PDZD2: variants seen among roughly 807,000 people sequenced by gnomAD.
PDZD2 encodes the protein PDZ domain-containing protein 2.
PDZD2 carries 90 observed loss-of-function variants against 220.7 expected under a neutral mutation model. The observed-to-expected ratio is 0.41, with a 90% CI of 0.34 to 0.49. PDZD2 has a LOEUF of 0.49. Ranked by LOEUF, PDZD2 falls within the 20% of genes least tolerant of loss-of-function variation. The pLI is 0.28. For synonymous variants in PDZD2, 1,375 were observed against 1,450.5 expected, an observed-to-expected ratio of 0.95 and a Z score of 1.18; for missense variants, 3,174 against 3,608.5, an observed-to-expected ratio of 0.88 and a Z score of 3.08.
At chr5:31,805,438 T>G (rs1362835901) in intron 2 of PDZD2, among the ~76,000 whole-genome samples, 1 of 152,112 alleles carries the variant, frequency 6.6e-6, no homozygotes, top group Non-Finnish European at 1.5e-5. Context: ...GAAATTAGAG[T>G]TCTGGACAGA....
intron 2 of PDZD2, among the ~76,000 whole-genome samples, chr5:31,886,895 C>T (rs1185574061): frequency 6.6e-6 from 1 of 152,146 alleles, no homozygotes; most frequent in Non-Finnish European, 1.5e-5. Context: ...GACGGGGTTT[C>T]ACCACATTGG....
chr5:31,701,338 A>C (rs759859303), intron 1 of PDZD2, among the ~76,000 whole-genome samples: 1 of 152,104 alleles, frequency 6.6e-6, no homozygotes, highest in East Asian at 1.9e-4. Flanking sequence ...CCGGGCTTCC[A>C]TGCGTGTGCC....
intron 10 of PDZD2, among the ~76,000 whole-genome samples, chr5:32,054,312 CTTTTTTTT>C (rs57135705): frequency 0.062 from 4,304 of 69,312 alleles, 239 homozygotes; most frequent in African/African-American, 0.16. Flanking sequence ...AAATGAACAT[CTTTTTTTT>C]TTTTTTTTTT....
intron 1 of PDZD2, among the ~76,000 whole-genome samples, chr5:31,752,062 G>C (rs377407521): frequency 5.3e-5 from 2 of 37,824 alleles, no homozygotes; most frequent in Non-Finnish European, 1.2e-4. Flanking sequence ...TTGTTTTATT[G>C]TTTTGGGTTT....
Position 31,956,526 on chromosome 5 carries a change from G to A in PDZD2, c.477-26629G>A, listed in dbSNP as rs1209287033. 2.4e-4 allele frequency among the ~76,000 whole-genome samples: 32 copies of A among 132,750 alleles called. 1 individual carries two copies. Among genetic ancestry groups the A allele is most frequent in the Admixed American group, 9.2e-4 (12 of 13,022 alleles). 87.1% of individuals were successfully genotyped at this position (132,750 alleles called of 152,430 possible). ...CTCACCACTGCACTCCAGCCTGGGC[G>A]ACAGAGTGAGACTCTGTCTCAAAAA... On this transcript the variant is annotated intron_variant, in intron 2 of 24. Transcript: ENST00000438447.
Position 31,674,749 on chromosome 5 carries a change from A to G in PDZD2, c.-361+35312A>G, listed in dbSNP as rs892342466. On this transcript the variant is annotated intron_variant, in intron 1 of 24. Coordinates refer to ENST00000438447, the MANE Select transcript of PDZD2 (RefSeq NM_178140.4). ...GGGACAAATGAAACACTTGGGAGTC[A>G]TAAAACATGAATGGCTGCTCTTTGT... 5.3e-5 allele frequency among the ~76,000 whole-genome samples: 8 copies of G among 152,262 alleles called. No homozygotes were observed. In the South Asian group the frequency reaches 1.2e-3, roughly 24 times the overall value.
chr5:32,043,418 G>A (rs1737607347), intron 7 of PDZD2, among the ~76,000 whole-genome samples: 2 of 152,236 alleles, frequency 1.3e-5, no homozygotes, highest in African/African-American at 2.4e-5. Flanking sequence ...ACCTGGGTCA[G>A]GTGACTTTCT....
chr5:32,087,871 G>T lies in PDZD2; in HGVS notation c.4423G>T (p.Val1475Phe). 6.2e-7 allele frequency: 1 copy of T among 1,612,422 alleles called. No homozygotes were observed. Residue 1475 changes from valine to phenylalanine, a missense_variant, in exon 20 of 25, where the codon GTC (valine) becomes TTC (phenylalanine). Physicochemically the swap from Val to Phe is conservative, Grantham distance 50. Around this residue, in one of 4 missense-constraint regions of PDZD2, gnomAD observed 1,861 missense variants for 2,001.0 expected, o/e 0.93. Coordinates refer to ENST00000438447, the MANE Select transcript of PDZD2 (RefSeq NM_178140.4). This position sits in a 1 kb window ranked among gnomAD's most constrained non-coding sequence, Gnocchi z 4.0. ...TGGGAGCTCCTGCCGTGCCGAACCA[G>T]TCCCGGGGGGCCAGACCTCCTCCCC... ...GGGSSCRAEP[V>F]PGGQTSSPRR... is the part of the protein sequence containing the mutation.
At chr5:31,805,400 T>G (rs532742665) in intron 2 of PDZD2, among the ~76,000 whole-genome samples, 39 of 152,284 alleles carry the variant, frequency 2.6e-4, no homozygotes, top group African/African-American at 9.1e-4. Flanking sequence ...CCTACCTATG[T>G]GAGTTTTGTC....
chr5:31,983,023 T>C (rs951419330), intron 2 of PDZD2, 132 bp from the exon 3 acceptor site: 17 of 808,232 alleles, frequency 2.1e-5, no homozygotes, highest in Non-Finnish European at 3.4e-5. Context: ...GTTGAATCTC[T>C]TTAGGAAGCT....
At chr5:31,946,146 G>C (rs867942137) in intron 2 of PDZD2, among the ~76,000 whole-genome samples, 4 of 152,320 alleles carry the variant, frequency 2.6e-5, no homozygotes, top group Middle Eastern at 3.4e-3. Flanking sequence ...AGGACTACAG[G>C]CGTGCGCCAC....
At chr5:31,884,630 C>A (rs147289042) in intron 2 of PDZD2, among the ~76,000 whole-genome samples, 184 of 152,102 alleles carry the variant, frequency 1.2e-3, no homozygotes, top group African/African-American at 4.4e-3. Context: ...GCTCTGTCAC[C>A]CAGGCTGGAG....
chr5:31,995,669 C>G lies in PDZD2; in HGVS notation c.1072C>G (p.Pro358Ala). The change falls in exon 4 of 25, where the codon CCT (proline) becomes GCT (alanine). Residue 358 changes from proline to alanine, a missense_variant. Coordinates refer to ENST00000438447, the MANE Select transcript of PDZD2 (RefSeq NM_178140.4). Reference sequence around the variant, plus strand: ...TGGAGGCCGAGGATCAAAGCGCTCACCTCACGCTATCGTTGTCACTCAAGT... The same window carrying G: ...TGGAGGCCGAGGATCAAAGCGCTCAGCTCACGCTATCGTTGTCACTCAAGT... ...VSGGRGSKRSPHAIVVTQVKE... is the reference protein window; with the variant it reads ...VSGGRGSKRSAHAIVVTQVKE... 6.2e-7 allele frequency: 1 copy of G among 1,614,076 alleles called. No individual in the cohort carries two copies. The highest frequency in any genetic ancestry group is 8.5e-7 in the Non-Finnish European group (1 of 1,180,022).
chr5:32,092,765 AAT>A, intron 20 of PDZD2, 140 bp from the exon 21 acceptor site: 1 of 491,260 alleles, frequency 2.0e-6, no homozygotes, highest in Non-Finnish European at 3.6e-6. Context: ...ATTAGTTTGG[AAT>A]GGAAGTTTTG....
intron 2 of PDZD2, among the ~76,000 whole-genome samples, chr5:31,836,548 A>G (rs1046014480): frequency 6.6e-6 from 1 of 152,014 alleles, no homozygotes; most frequent in Non-Finnish European, 1.5e-5. Flanking sequence ...TTTTTGAGGG[A>G]AAAATCCATG....
chr5:32,051,157 A>G (rs559890594), intron 8 of PDZD2, among the ~76,000 whole-genome samples: 1 of 152,286 alleles, frequency 6.6e-6, no homozygotes, highest in South Asian at 2.1e-4. Flanking sequence ...GTACTGCTGA[A>G]GATGGTGACC....
chr5:32,076,303 A>C (rs1378419290), intron 18 of PDZD2, among the ~76,000 whole-genome samples: 7 of 151,686 alleles, frequency 4.6e-5, no homozygotes, highest in East Asian at 3.9e-4. Flanking sequence ...AAAAAAAAAA[A>C]AAAAAACAAA....
chr5:32,086,843 A>AT (rs10710224), intron 19 of PDZD2, among the ~76,000 whole-genome samples: 20,906 of 85,036 alleles, frequency 0.25, 2,491 homozygotes, highest in South Asian at 0.46. Flanking sequence ...TGCCCAGCTA[A>AT]TTTTTTTTTT....
At chr5:31,865,823 G>T (rs1738178181) in intron 2 of PDZD2, among the ~76,000 whole-genome samples, 1 of 151,034 alleles carries the variant, frequency 6.6e-6, no homozygotes, top group Admixed American at 6.6e-5. Flanking sequence ...AGTAGAGGCT[G>T]GGTTTCACCG....
Sources: allele counts gnomAD v4.1 joint callset (sites outside exome capture counted in the v4.1 genomes callset), GRCh38; gene constraint gnomAD v4.1.1; regional missense constraint gnomAD v4.1.1; non-coding constraint Gnocchi (gnomAD v3.1); transcripts MANE v1.5; gene names NCBI Gene and HGNC (gene_info 2026-07-23, HGNC 2026-07-21).